COL1A1: variants seen among roughly 807,000 people sequenced by gnomAD.
COL1A1 encodes the protein collagen alpha-1(I) chain.
COL1A1 carries 21 observed loss-of-function variants against 195.7 expected under a neutral mutation model. The ratio of observed to expected loss-of-function variants is 0.11; its 90% CI spans 0.08 to 0.15. COL1A1 has a LOEUF of 0.15. Among genes scored for constraint, COL1A1 ranks in the 10% least tolerant of loss-of-function variants. COL1A1 has a pLI of 1.00. For synonymous variants in COL1A1, 749 were observed against 747.3 expected (o/e 1.00, Z -0.04); for missense variants, 1,365 against 2,051.0 (o/e 0.67, Z 6.46).
At chr17:50,192,278 T>A in intron 29 of COL1A1, 197 bp downstream of exon 29, 1 of 741,770 alleles carries the variant, frequency 1.3e-6, no homozygotes, top group South Asian at 1.6e-5. Flanking sequence ...TTCCAGCAGC[T>A]CTTAAAAGAA....
rs2696247 is a variant in COL1A1, at chr17:50,192,542, A to G, written c.1930-14T>C. ...ACCAGGGAGACCCTGTAGGTGGGAA[A>G]TGGGGGAAGAAGGGAGGGAAGGTTT... is the stretch of plus-strand genomic sequence containing the variant. On this transcript the variant is annotated splice_polypyrimidine_tract_variant and intron_variant, in intron 28 of 50. Transcript: ENST00000225964. The G allele has an allele frequency of 0.15, 239,021 of 1,613,782 alleles. 19,716 individuals are homozygous for G. The highest frequency in any genetic ancestry group is 0.33 in the East Asian group (14,719 of 44,852).
chr17:50,194,049 T>C lies in COL1A1; in HGVS notation c.1669-8A>G. ...ATCTTGACCGGCGGGACCCTAAGGA[T>C]GGGAGGCACGAAAGCAGCAGTGAGG... On this transcript the variant is annotated splice_region_variant and splice_polypyrimidine_tract_variant and intron_variant, in intron 24 of 50. Coordinates refer to ENST00000225964, the MANE Select transcript of COL1A1 (RefSeq NM_000088.4). The surrounding 1 kb of genome is among the most constrained non-coding windows in gnomAD (Gnocchi z 6.8). 4.3e-6 allele frequency: 7 copies of C among 1,609,820 alleles called. No individual in the cohort carries two copies. The highest frequency in any genetic ancestry group is 5.1e-6 in the Non-Finnish European group (6 of 1,178,304).
At position 50,188,642 on chromosome 17, in the gene COL1A1, C is replaced by T. The variant is rs751822769; in HGVS notation, c.3100-5G>A. The T allele has an allele frequency of 2.4e-5, 38 of 1,613,060 alleles. No individual in the cohort carries two copies. The highest frequency in any genetic ancestry group is 1.6e-4 in the Middle Eastern group (1 of 6,078). ...GCCGGTCTCACCACGGTCACCCTGGCGGGGAGAGCAGGGGAATATGGGTCA... is the reference window on the plus strand; with the variant it reads ...GCCGGTCTCACCACGGTCACCCTGGTGGGGAGAGCAGGGGAATATGGGTCA... On this transcript the variant is annotated splice_region_variant and splice_polypyrimidine_tract_variant and intron_variant, in intron 42 of 50. Coordinates refer to ENST00000225964, the MANE Select transcript of COL1A1 (RefSeq NM_000088.4). The surrounding 1 kb of genome is among the most constrained non-coding windows in gnomAD (Gnocchi z 5.6).
Position 50,187,129 on chromosome 17 carries a change from TG to T in COL1A1, c.3424-8del. ...CAGCAGAGCCAGGGGGACCCTGGAG[TG>T]GGGGAAATGGTTTGAGAAAGGCTGC... On this transcript the variant is annotated splice_region_variant and splice_polypyrimidine_tract_variant and intron_variant, in intron 46 of 50. Coordinates refer to ENST00000225964, the MANE Select transcript of COL1A1 (RefSeq NM_000088.4). The T allele has an allele frequency of 6.3e-7, 1 of 1,592,874 alleles. No homozygotes were observed. Among genetic ancestry groups the T allele is most frequent in the South Asian group, 1.1e-5 (1 of 88,902 alleles).
At chr17:50,201,352 G>A in intron 1 of COL1A1, 59 bp downstream of exon 1, 2 of 1,527,530 alleles carry the variant, frequency 1.3e-6, no homozygotes, top group South Asian at 1.2e-5. Flanking sequence ...GCGGCCCCCG[G>A]GACCAAGCGC....
In COL1A1 at chr17:50,190,030, C is replaced by A. The variant is rs751329063; in HGVS notation, c.2530G>T (p.Ala844Ser). ...GGGCCAGGGGGTCCAGCGGGTCCGGCAGGGCCAGGGGGACCAGCATCGCCT... is the reference window on the plus strand; with the variant it reads ...GGGCCAGGGGGTCCAGCGGGTCCGGAAGGGCCAGGGGGACCAGCATCGCCT... The part of the protein sequence containing the change: ...AKGDAGPPGP[A>S]GPAGPPGPIG... Residue 844 changes from alanine to serine, a missense_variant, in exon 36 of 51, where the codon GCC (alanine) becomes TCC (serine). Physicochemically the swap from Ala to Ser is moderately conservative, Grantham distance 99. This residue lies in a region of COL1A1 where 671 missense variants were observed against 1,099.9 expected (regional missense o/e 0.61). Transcript: ENST00000225964. The surrounding 1 kb of genome is among the most constrained non-coding windows in gnomAD (Gnocchi z 4.7). The A allele has an allele frequency of 3.7e-6, 6 of 1,613,100 alleles. No homozygotes were observed. Among genetic ancestry groups the A allele is most frequent in the Admixed American group, 3.3e-5 (2 of 59,976 alleles).
chr17:50,190,217 C>T lies in COL1A1; in HGVS notation c.2452-109G>A, dbSNP rs958590779. On this transcript the variant is annotated intron_variant, in intron 35 of 50. Coordinates refer to ENST00000225964, the MANE Select transcript of COL1A1 (RefSeq NM_000088.4). The surrounding 1 kb of genome is among the most constrained non-coding windows in gnomAD (Gnocchi z 4.7). ...AAGATGCTTGGGTGGGAAACAATCC[C>T]GTCTCCACCCTTCTCCCCTGAGGAT... 59 of 1,257,412 alleles carry T rather than the reference C, an allele frequency of 4.7e-5. No individual in the cohort carries two copies. The highest frequency in any genetic ancestry group is 6.9e-5 in the East Asian group (3 of 43,166). 77.9% of individuals were successfully genotyped at this position (1,257,412 alleles called of 1,614,324 possible). A position where few individuals can be genotyped will look rare whatever the true frequency, so the allele number is the denominator to read the frequency against.
Position 50,198,714 on chromosome 17 carries a change from A to AGAGGGCCGAGAGGAGGAGGCGGC in COL1A1, c.472-211_472-210insGCCGCCTCCTCCTCTCGGCCCTC, listed in dbSNP as rs1295527302. ...GAGGGACAGTCTGCAAAACAACTGG[A>AGAGGGCCGAGAGGAGGAGGCGGC]CTCATCAAAACTCCCAGTGCCACTA... On this transcript the variant is annotated intron_variant, in intron 5 of 50. Transcript: ENST00000225964. 1.8e-4 allele frequency: 103 copies of AGAGGGCCGAGAGGAGGAGGCGGC among 586,080 alleles called. No homozygotes were observed. In the African/African-American group the frequency reaches 1.8e-3, roughly 10 times the overall value. 36.3% of individuals were successfully genotyped at this position (586,080 alleles called of 1,614,324 possible). A position where few individuals can be genotyped will look rare whatever the true frequency, so the allele number is the denominator to read the frequency against.
In COL1A1 at chr17:50,186,893, A is replaced by T. The variant is rs762954998; in HGVS notation, c.3561T>A (p.Gly1187=). 2 of 1,613,522 alleles carry T rather than the reference A, an allele frequency of 1.2e-6. No individual in the cohort carries two copies. The highest frequency in any genetic ancestry group is 1.3e-5 in the African/African-American group (1 of 74,812). The part of the protein sequence containing the change: ...VGPPGPPGPP[G]PPGPPSAGFD... Reference sequence around the variant, plus strand: ...AACCAGCGCTGGGAGGACCAGGGGGACCAGGAGGTCCAGGAGGGCCGGGGG... The same window carrying T: ...AACCAGCGCTGGGAGGACCAGGGGGTCCAGGAGGTCCAGGAGGGCCGGGGG... The change falls in exon 48 of 51, where the codon GGT becomes GGA. Residue 1187 remains glycine (G), a synonymous_variant. Coordinates refer to ENST00000225964, the MANE Select transcript of COL1A1 (RefSeq NM_000088.4). The surrounding 1 kb of genome is among the most constrained non-coding windows in gnomAD (Gnocchi z 5.3).
rs1906697025 is a variant in COL1A1 at position 50,187,887 on chromosome 17, G to C, written c.3358C>G (p.Pro1120Ala). 1 of 1,604,726 alleles carries C rather than the reference G, an allele frequency of 6.2e-7. No homozygotes were observed. Among genetic ancestry groups the C allele is most frequent in the Admixed American group, 1.7e-5 (1 of 59,412 alleles). The change falls in exon 45 of 51, where the codon CCT becomes GCT. Residue 1120 changes from proline (P) to alanine (A), a missense_variant. Pro to Ala is a conservative substitution (Grantham distance 27, BLOSUM62 -1). Around this residue, in one of 5 missense-constraint regions of COL1A1, gnomAD observed 671 missense variants for 1,099.9 expected, o/e 0.61. Transcript: ENST00000225964. ...CTGAGCATACTTACAGGAGGGCCAG[G>C]GGGACCCTGGAGGCCAGAGAAGCCA... Reference protein sequence around the residue: ...HRGFSGLQGPPGPPGSPGEQG... With the variant: ...HRGFSGLQGPAGPPGSPGEQG...
chr17:50,191,379 T>G lies in COL1A1; in HGVS notation c.2235+4A>C, dbSNP rs1382593990. On this transcript the variant is annotated splice_donor_region_variant and intron_variant, in intron 32 of 50. Transcript: ENST00000225964. ...GCTCAGGGGAGGGGGAAGGTTGAAC[T>G]TACTCTGTCACCCTTAGGCCCTGGA... 5 of 1,613,014 alleles carry G rather than the reference T, an allele frequency of 3.1e-6. No homozygotes were observed. Among genetic ancestry groups the G allele is most frequent in the Middle Eastern group, 3.3e-4 (2 of 6,082 alleles).
At chr17:50,197,653 T>C (rs1397066876) in intron 9 of COL1A1, 79 bp downstream of exon 9, 2 of 1,158,804 alleles carry the variant, frequency 1.7e-6, no homozygotes, top group Admixed American at 4.6e-5. Flanking sequence ...CGTTCCCAAA[T>C]GTGGTGGAGT....
intron 29 of COL1A1, chr17:50,192,225 C>T: frequency 1.4e-6 from 1 of 728,914 alleles, no homozygotes. Flanking sequence ...AAACTATGGA[C>T]CAAGATTTAT....
Position 50,192,847 on chromosome 17 carries a change from G to A in COL1A1, c.1825C>T (p.Pro609Ser), listed in dbSNP as rs1567758426. 6.2e-7 allele frequency: 1 copy of A among 1,613,960 alleles called. No homozygotes were observed. The highest frequency in any genetic ancestry group is 1.3e-5 in the African/African-American group (1 of 74,998). The change falls in exon 27 of 51, where the codon CCT becomes TCT. Residue 609 changes from proline (P) to serine (S), a missense_variant. Pro to Ser is a moderately conservative substitution (Grantham distance 74). Coordinates refer to ENST00000225964, the MANE Select transcript of COL1A1 (RefSeq NM_000088.4). ...GVPGPPGAVG[P>S]AGKDGEAGAQ... Reference sequence around the variant, plus strand: ...CCAGCCTCTCCATCTTTGCCAGCAGGACCCTGCAGGGAGAGAGCAAAGGGG... The same window carrying A: ...CCAGCCTCTCCATCTTTGCCAGCAGAACCCTGCAGGGAGAGAGCAAAGGGG...
rs890357304 is a variant in COL1A1, at chr17:50,201,343, C to T, written c.103+68G>A. 15 of 1,431,312 alleles carry T rather than the reference C, an allele frequency of 1.0e-5. 1 individual carries two copies. The highest frequency in any genetic ancestry group is 3.5e-4 in the Middle Eastern group (2 of 5,740). 88.7% of individuals were successfully genotyped at this position (1,431,312 alleles called of 1,614,324 possible). A position where few individuals can be genotyped will look rare whatever the true frequency, so the allele number is the denominator to read the frequency against. ...ATCATCCACGTCTCGTTTTAAGCCG[C>T]GGCCCCCGGGACCAAGCGCAAGGCG... On this transcript the variant is annotated intron_variant, in intron 1 of 50. Coordinates refer to ENST00000225964, the MANE Select transcript of COL1A1 (RefSeq NM_000088.4).
rs542355971 is a variant in COL1A1, at chr17:50,199,680, C to T, written c.298+73G>A. 4.4e-6 allele frequency: 7 copies of T among 1,603,784 alleles called. No individual in the cohort carries two copies. The African/African-American group carries it at 8.3e-5, about 19-fold the overall frequency. On this transcript the variant is annotated intron_variant, in intron 2 of 50. Transcript: ENST00000225964. ...CTCCAGCACGGAGGGCCAGCGAGCG[C>T]CGACCACCCCCAGCCCCAGCCCCAG... is the stretch of plus-strand genomic sequence containing the variant.
rs1482866161 is a variant in COL1A1 at position 50,195,524 on chromosome 17, G to A, written c.1155+43C>T. The stretch of plus-strand genomic sequence containing the variant: ...TGTCAGCAACAGGCAAGGACTCTGA[G>A]GTTAGAAAGTGGCAAAGGGGACACT... On this transcript the variant is annotated intron_variant, in intron 17 of 50. Transcript: ENST00000225964. The surrounding 1 kb of genome is among the most constrained non-coding windows in gnomAD (Gnocchi z 4.3). 4 of 1,614,072 alleles carry A rather than the reference G, an allele frequency of 2.5e-6. No individual in the cohort carries two copies. In the South Asian group the frequency reaches 3.3e-5, roughly 13 times the overall value.
In COL1A1 at chr17:50,185,909, T is replaced by C. The variant is rs1324872764; in HGVS notation, c.4117A>G (p.Ser1373Gly). 1 of 1,614,050 alleles carries C rather than the reference T, an allele frequency of 6.2e-7. No individual in the cohort carries two copies. The highest frequency in any genetic ancestry group is 2.2e-5 in the East Asian group (1 of 44,850). The change falls in exon 50 of 51, where the codon AGC (serine) becomes GGC (glycine). Residue 1373 changes from serine (S) to glycine (G), a missense_variant. By Grantham distance (56) the Ser-to-Gly change is moderately conservative. Around this residue, in one of 5 missense-constraint regions of COL1A1, gnomAD observed 273 missense variants for 338.6 expected, o/e 0.81. Coordinates refer to ENST00000225964, the MANE Select transcript of COL1A1 (RefSeq NM_000088.4). ...SQNITYHCKN[S>G]VAYMDQQTGN... ...GTCTGCTGGTCCATGTAGGCCACGC[T>C]GTTCTTGCAGTGGTAGGTGATGTTC...
In COL1A1 at chr17:50,194,324, C is replaced by T. The variant is rs777376523; in HGVS notation, c.1614+25G>A. 1 of 1,613,730 alleles carries T rather than the reference C, an allele frequency of 6.2e-7. No individual in the cohort carries two copies. The highest frequency in any genetic ancestry group is 1.1e-5 in the South Asian group (1 of 91,072). ...ACGGGATGGTCAGGGCCTGGCCAAG[C>T]CAGGCTGAAAGCCTGGGGCCTCACC... On this transcript the variant is annotated intron_variant, in intron 23 of 50. Transcript: ENST00000225964. The surrounding 1 kb of genome is among the most constrained non-coding windows in gnomAD (Gnocchi z 6.8).
Sources: gnomAD v4.1 joint callset for allele counts on GRCh38, gnomAD v4.1.1 for gene constraint, gnomAD v4.1.1 regional missense constraint, Gnocchi (gnomAD v3.1) non-coding constraint, MANE v1.5 for transcripts, NCBI Gene and HGNC (gene_info 2026-07-23, HGNC 2026-07-21) for gene names.